Variants in PACS1 observed in about 807,000 individuals in gnomAD.
The protein encoded by PACS1 is PACS-1.
Under a neutral mutation model 115.0 loss-of-function variants are expected in PACS1, and 24 were observed. That is an observed-to-expected ratio of 0.21 (90% confidence interval 0.15 to 0.29). PACS1 has a LOEUF of 0.29. PACS1 is among the 10% of genes least tolerant of loss of function. PACS1 has a pLI of 1.00. For missense variants in PACS1, 838 were observed against 1,251.2 expected (o/e 0.67, Z 4.98); for synonymous variants, 453 against 504.5 (o/e 0.90, Z 1.37).
chr11:66,225,077 A>G (rs989470625), intron 10 of PACS1, among the ~76,000 whole-genome samples: 1 of 152,240 alleles, frequency 6.6e-6, no homozygotes, highest in African/African-American at 2.4e-5. Flanking sequence ...GGGCAGCCAC[A>G]GATGCAGACT....
chr11:66,209,086 A>G (rs376178853), intron 2 of PACS1, among the ~76,000 whole-genome samples: 14 of 152,304 alleles, frequency 9.2e-5, no homozygotes, highest in South Asian at 4.1e-4. Context: ...ACTGGCAGTA[A>G]GAGGGCTGTC....
At chr11:66,103,261 T>A (rs1355402803) in intron 1 of PACS1, among the ~76,000 whole-genome samples, 1 of 152,184 alleles carries the variant, frequency 6.6e-6, no homozygotes, top group Non-Finnish European at 1.5e-5. Flanking sequence ...GTTTGGTCTT[T>A]TTTCAGATAA....
intron 2 of PACS1, among the ~76,000 whole-genome samples, chr11:66,202,742 A>AAAT (rs1200930188): frequency 2.8e-4 from 20 of 71,604 alleles, no homozygotes; most frequent in African/African-American, 9.5e-4. Flanking sequence ...AAAAAAAAAA[A>AAAT]ATATATATAT....
chr11:66,186,134 G>A (rs1461981706), intron 1 of PACS1, among the ~76,000 whole-genome samples: 1 of 152,012 alleles, frequency 6.6e-6, no homozygotes, highest in African/African-American at 2.4e-5. Context: ...AATTAGCTGG[G>A]TGCGGTAGAA....
At chr11:66,215,902 A>AAAT (rs71461611) in intron 4 of PACS1, among the ~76,000 whole-genome samples, 2,550 of 136,934 alleles carry the variant, frequency 0.019, 31 homozygotes, top group East Asian at 0.026. Flanking sequence ...TCCGTCTCAA[A>AAAT]AATAATAATA....
intron 1 of PACS1, among the ~76,000 whole-genome samples, chr11:66,106,877 T>A (rs1858056370): frequency 1.3e-5 from 2 of 152,228 alleles, no homozygotes; most frequent in Admixed American, 1.3e-4. Flanking sequence ...TAGGTTTTTG[T>A]GTTTCTTCTA....
At chr11:66,071,473 A>T (rs187871943) in intron 1 of PACS1, among the ~76,000 whole-genome samples, 1 of 152,288 alleles carries the variant, frequency 6.6e-6, no homozygotes, top group South Asian at 2.1e-4. Context: ...GCAGGGCTGT[A>T]TGAAATTACT....
At chr11:66,221,305 C>T (rs1314661171) in intron 10 of PACS1, 58 bp downstream of exon 10, 3 of 1,386,956 alleles carry the variant, frequency 2.2e-6, no homozygotes, top group Non-Finnish European at 3.1e-6. Flanking sequence ...GGGCTCGACG[C>T]TCTGGCCCTC....
intron 1 of PACS1, among the ~76,000 whole-genome samples, chr11:66,088,824 A>G (rs192226250): frequency 8.5e-5 from 13 of 152,302 alleles, no homozygotes; most frequent in African/African-American, 2.4e-4. Flanking sequence ...ATTGATCTCT[A>G]TGGATTGATG....
chr11:66,073,855 C>A (rs181558524), intron 1 of PACS1, among the ~76,000 whole-genome samples: 1 of 151,042 alleles, frequency 6.6e-6, no homozygotes, highest in East Asian at 1.9e-4. Context: ...CTGGGCTCAG[C>A]AATCCTCCAG....
At chr11:66,163,310 C>T (rs1859532051) in intron 1 of PACS1, among the ~76,000 whole-genome samples, 1 of 146,528 alleles carries the variant, frequency 6.8e-6, no homozygotes, top group Non-Finnish European at 1.5e-5. Context: ...GAGATTGCTC[C>T]ACTGCACTCC....
intron 4 of PACS1, among the ~76,000 whole-genome samples, chr11:66,212,218 G>A (rs1256729498): frequency 6.6e-6 from 1 of 150,666 alleles, no homozygotes; most frequent in Non-Finnish European, 1.5e-5. Flanking sequence ...TGAAACCCCC[G>A]CCTCCCGGGT....
chr11:66,091,666 C>A (rs1857668510), intron 1 of PACS1, among the ~76,000 whole-genome samples: 1 of 151,658 alleles, frequency 6.6e-6, no homozygotes, highest in East Asian at 1.9e-4. Flanking sequence ...AGCTATCCCT[C>A]CCCCCTCCTC....
At chr11:66,202,604 A>G (rs1475733956) in intron 2 of PACS1, among the ~76,000 whole-genome samples, 1 of 151,404 alleles carries the variant, frequency 6.6e-6, no homozygotes, top group African/African-American at 2.4e-5. Context: ...ATTGATGCCA[A>G]ATGGCTGGGT....
chr11:66,096,125 G>A (rs1857773962), intron 1 of PACS1, among the ~76,000 whole-genome samples: 2 of 151,292 alleles, frequency 1.3e-5, no homozygotes, highest in African/African-American at 4.9e-5. Context: ...GTAGAGACGG[G>A]GTTTTGCCAA....
chr11:66,202,781 A>T (rs1417662295), intron 2 of PACS1, among the ~76,000 whole-genome samples: 1 of 131,506 alleles, frequency 7.6e-6, no homozygotes, highest in Non-Finnish European at 1.6e-5. Flanking sequence ...ATATATATAT[A>T]TTCTGAAAAA....
At chr11:66,238,187 A>T (rs1855741749) in intron 19 of PACS1, 6 of 984,782 alleles carry the variant, frequency 6.1e-6, no homozygotes, top group South Asian at 4.7e-5. Context: ...CATTCAGTAC[A>T]CTTCCAGATT....
At chr11:66,127,621 T>C (rs1858611039) in intron 1 of PACS1, among the ~76,000 whole-genome samples, 1 of 152,132 alleles carries the variant, frequency 6.6e-6, no homozygotes, top group South Asian at 2.1e-4. Context: ...GCGACAGACA[T>C]AGTGTGGTGG....
At chr11:66,107,223 T>C (rs1005923366) in intron 1 of PACS1, among the ~76,000 whole-genome samples, 2 of 152,128 alleles carry the variant, frequency 1.3e-5, no homozygotes, top group Non-Finnish European at 2.9e-5. Flanking sequence ...CTTTGCTCTT[T>C]CCTGAAAATG....
Sources: gnomAD v4.1 joint callset for allele counts (sites outside exome capture counted in the v4.1 genomes callset) on GRCh38, gnomAD v4.1.1 for gene constraint, MANE v1.5 for transcripts, NCBI Gene and HGNC (gene_info 2026-07-23, HGNC 2026-07-21) for gene names.